Variants in NSRP1 observed in about 807,000 individuals in gnomAD.
NSRP1 encodes the protein nuclear speckle splicing regulatory protein 1, also known as coiled-coil domain containing 55.
NSRP1 carries 24 observed loss-of-function variants against 54.7 expected under a neutral mutation model. The ratio of observed to expected loss-of-function variants is 0.44; its 90% CI spans 0.32 to 0.62. The LOEUF (loss-of-function observed/expected upper bound fraction) is 0.62, where lower values mean the gene tolerates loss of function less well. Ranked by LOEUF, NSRP1 falls within the 20% of genes least tolerant of loss-of-function variation. The pLI is 0.06. For synonymous variants in NSRP1, 210 were observed against 213.8 expected (o/e 0.98, Z 0.15); for missense variants, 596 against 651.2 (o/e 0.92, Z 0.92).
At chr17:30,157,602 G>A (rs1396635570) in intron 2 of NSRP1, among the ~76,000 whole-genome samples, 1 of 152,074 alleles carries the variant, frequency 6.6e-6, no homozygotes, top group African/African-American at 2.4e-5. Context: ...TCCAGTGTTG[G>A]ATAGCAGACT....
In NSRP1 at chr17:30,186,325, G is replaced by T. The variant is rs1227427360; in HGVS notation, c.*651G>T. 6.6e-6 allele frequency: 1 copy of T among 152,138 alleles called. No homozygotes were observed. Among genetic ancestry groups the T allele is most frequent in the African/African-American group, 2.4e-5 (1 of 41,438 alleles). The allele number at this position is 152,138 out of a possible 1,614,324, so 9.4% of individuals were successfully genotyped here. A position where few individuals can be genotyped will look rare whatever the true frequency, so the allele number is the denominator to read the frequency against. On this transcript the variant is annotated 3_prime_UTR_variant, in exon 7 of 7. Transcript: ENST00000247026. ...CTAATAATGTTTTGTTGCAGGAAATGTATTTCAGATAAAATATGGATTTGA... is the reference window on the plus strand; with the variant it reads ...CTAATAATGTTTTGTTGCAGGAAATTTATTTCAGATAAAATATGGATTTGA...
chr17:30,131,311 T>G (rs536856475), intron 2 of NSRP1, among the ~76,000 whole-genome samples: 25 of 151,194 alleles, frequency 1.7e-4, no homozygotes, highest in Non-Finnish European at 2.9e-4. Context: ...CTTTTAAAAT[T>G]TAATTAGTAA....
intron 2 of NSRP1, among the ~76,000 whole-genome samples, chr17:30,138,950 C>G (rs1293796291): frequency 2.6e-5 from 3 of 113,646 alleles, no homozygotes; most frequent in African/African-American, 1.0e-4. Context: ...TGGAGTCTCG[C>G]TTTGTCGCCC....
intron 2 of NSRP1, among the ~76,000 whole-genome samples, chr17:30,137,749 A>G (rs1470961422): frequency 3.9e-5 from 6 of 152,204 alleles, no homozygotes; most frequent in Non-Finnish European, 7.4e-5. Context: ...ATTTTTTTCA[A>G]AAGTGAAACC....
chr17:30,127,439 A>G (rs1307284697), intron 2 of NSRP1, among the ~76,000 whole-genome samples: 2 of 152,002 alleles, frequency 1.3e-5, no homozygotes, highest in African/African-American at 2.4e-5. Context: ...TTTGGAGACA[A>G]GGTTTTGCTC....
At chr17:30,147,732 G>A (rs1228110958) in intron 2 of NSRP1, among the ~76,000 whole-genome samples, 2 of 151,948 alleles carry the variant, frequency 1.3e-5, no homozygotes, top group Non-Finnish European at 2.9e-5. Context: ...TAAAGTGCTG[G>A]GATTACAGGT....
At chr17:30,181,399 T>C (rs1172369772) in intron 6 of NSRP1, among the ~76,000 whole-genome samples, 5 of 28,286 alleles carry the variant, frequency 1.8e-4, no homozygotes, top group Non-Finnish European at 2.4e-4. Context: ...TTCTTTTTTC[T>C]TTTTTTTTTT....
At chr17:30,163,189 T>TTGTGTGTGTGTGTGTGTGTGTGTGTG (rs35702441) in intron 2 of NSRP1, 1 of 121,560 alleles carries the variant, frequency 8.2e-6, no homozygotes. Context: ...CCGGCTAATT[T>TTGTGTGTGTGTGTGTGTGTGTGTGTG]TGTGTGTGTG....
chr17:30,148,000 T>C (rs939678924), intron 2 of NSRP1, among the ~76,000 whole-genome samples: 7 of 151,308 alleles, frequency 4.6e-5, no homozygotes, highest in Non-Finnish European at 1.0e-4. Flanking sequence ...TTTGGTAGAG[T>C]TGGGGTTTCC....
At chr17:30,182,028 T>G (rs1296558306) in intron 6 of NSRP1, among the ~76,000 whole-genome samples, 1 of 150,056 alleles carries the variant, frequency 6.7e-6, no homozygotes, top group Non-Finnish European at 1.5e-5. Flanking sequence ...ATTACAGGTA[T>G]GAGCCACTGC....
chr17:30,142,642 G>C (rs540997671), intron 2 of NSRP1, among the ~76,000 whole-genome samples: 2 of 152,280 alleles, frequency 1.3e-5, no homozygotes, highest in South Asian at 4.1e-4. Flanking sequence ...TGTATCTTAA[G>C]TGTTTAGTCC....
At position 30,185,432 on chromosome 17, in the gene NSRP1, G is replaced by C. The variant is rs1291456458; in HGVS notation, c.1435G>C (p.Ala479Pro). Residue 479 changes from alanine (A) to proline (P), a missense_variant, in exon 7 of 7, where the codon GCA (alanine) becomes CCA (proline). Transcript: ENST00000247026. ...AAGATCCAACAAAATGAGAAACATG[G>C]CAAAGGACAAAGAAAGAAACCAAGA... ...QERSNKMRNM[A>P]KDKERNQEKP... The C allele has an allele frequency of 6.2e-7, 1 of 1,608,914 alleles. No homozygotes were observed. Among genetic ancestry groups the C allele is most frequent in the East Asian group, 2.2e-5 (1 of 44,876 alleles).
intron 2 of NSRP1, among the ~76,000 whole-genome samples, chr17:30,157,974 A>T (rs1272703419): frequency 2.0e-5 from 3 of 152,086 alleles, no homozygotes; most frequent in African/African-American, 7.2e-5. Context: ...TGTCCTTTTG[A>T]TACACTGATT....
intron 2 of NSRP1, chr17:30,127,859 G>T: frequency 2.5e-6 from 1 of 397,036 alleles, no homozygotes; most frequent in Non-Finnish European, 4.4e-6. Context: ...TTTGAGACAG[G>T]ATCTTGCTCT....
chr17:30,130,466 CAT>C (rs934297326), intron 2 of NSRP1, among the ~76,000 whole-genome samples: 13 of 152,132 alleles, frequency 8.5e-5, no homozygotes, highest in African/African-American at 9.7e-5. Context: ...AGTTTTTCAA[CAT>C]GTGCTCATTG....
intron 2 of NSRP1, among the ~76,000 whole-genome samples, chr17:30,123,617 C>T (rs1424761163): frequency 6.6e-6 from 1 of 152,160 alleles, no homozygotes; most frequent in Non-Finnish European, 1.5e-5. Flanking sequence ...TAGTGTCCTA[C>T]CTAAGAAACC....
intron 2 of NSRP1, among the ~76,000 whole-genome samples, chr17:30,152,667 C>G (rs1597608701): frequency 1.3e-5 from 2 of 151,856 alleles, no homozygotes; most frequent in African/African-American, 2.4e-5. Flanking sequence ...ATTGAATAGA[C>G]TGTTCTTTCC....
At chr17:30,125,668 C>G (rs531195889) in intron 2 of NSRP1, 1 of 152,408 alleles carries the variant, frequency 6.6e-6, no homozygotes, top group African/African-American at 2.4e-5. Flanking sequence ...GTGCCTCAGC[C>G]TCCCAAGTAG....
intron 2 of NSRP1, among the ~76,000 whole-genome samples, chr17:30,149,228 A>T (rs2071884100): frequency 6.6e-6 from 1 of 152,132 alleles, no homozygotes; most frequent in Non-Finnish European, 1.5e-5. Flanking sequence ...TTTACTTAAA[A>T]AAATAGAGAT....
Sources: gnomAD v4.1 joint callset for allele counts (sites outside exome capture counted in the v4.1 genomes callset) on GRCh38, gnomAD v4.1.1 for gene constraint, MANE v1.5 for transcripts, NCBI Gene and HGNC (gene_info 2026-07-23, HGNC 2026-07-21) for gene names.